Variants in TIMM17A observed in about 807,000 individuals in gnomAD.
The protein encoded by TIMM17A is translocase of inner mitochondrial membrane 17A.
In TIMM17A, 15 loss-of-function variants were observed where a neutral mutation model predicts 26.5. The observed-to-expected ratio is 0.57, with a 90% CI of 0.38 to 0.87. The LOEUF is 0.87. Ranked by LOEUF, TIMM17A falls within the 40% of genes least tolerant of loss-of-function variation. TIMM17A has a pLI of 0.00. For missense variants in TIMM17A, 201 were observed against 210.0 expected (o/e 0.96, Z 0.27); for synonymous variants, 80 against 70.8 (o/e 1.13, Z -0.66).
intron 3 of TIMM17A, among the ~76,000 whole-genome samples, chr1:201,958,338 T>C (rs1373987702): frequency 6.6e-6 from 1 of 152,232 alleles, no homozygotes; most frequent in Non-Finnish European, 1.5e-5. Flanking sequence ...TTGTACTTTG[T>C]AAACTTGGTT....
chr1:201,959,869 C>T (rs1201487213), intron 3 of TIMM17A, among the ~76,000 whole-genome samples: 2 of 151,876 alleles, frequency 1.3e-5, no homozygotes, highest in African/African-American at 2.4e-5. Context: ...GGCATGGTGA[C>T]GGGCGCCTGT....
At chr1:201,963,362 T>C in intron 3 of TIMM17A, 1 of 344,014 alleles carries the variant, frequency 2.9e-6, no homozygotes, top group Non-Finnish European at 5.2e-6. Flanking sequence ...AGGTGTGAGC[T>C]ATGGCACCCG....
At chr1:201,958,533 C>T (rs2102941626) in intron 3 of TIMM17A, among the ~76,000 whole-genome samples, 1 of 152,270 alleles carries the variant, frequency 6.6e-6, no homozygotes, top group Admixed American at 6.5e-5. Flanking sequence ...CTGCCCATTT[C>T]CCCAGAAAAA....
chr1:201,959,806 C>G (rs1682490203), intron 3 of TIMM17A, among the ~76,000 whole-genome samples: 1 of 151,264 alleles, frequency 6.6e-6, no homozygotes, highest in Admixed American at 6.6e-5. Context: ...AACCCCATCT[C>G]TACTAAAAAT....
intron 3 of TIMM17A, chr1:201,963,354 G>T (rs943119325): frequency 3.1e-6 from 1 of 325,508 alleles, no homozygotes; most frequent in Non-Finnish European, 5.6e-6. Flanking sequence ...GGGATTACAG[G>T]TGTGAGCTAT....
chr1:201,967,694 C>T lies in TIMM17A; in HGVS notation c.431-1775C>T, dbSNP rs193130603. On this transcript the variant is annotated intron_variant, in intron 5 of 5. Transcript: ENST00000367287. Reference sequence around the variant, plus strand: ...AGCAGCTGGGACTATAGGTGTGCACCGCTATGCCCGGCTAATTTTTATATT... The same window carrying T: ...AGCAGCTGGGACTATAGGTGTGCACTGCTATGCCCGGCTAATTTTTATATT... Among the ~76,000 whole-genome samples the T allele has an allele frequency of 2.2e-3, 328 of 151,894 alleles. 2 individuals are homozygous for T. Among genetic ancestry groups the T allele is most frequent in the Non-Finnish European group, 3.8e-3 (255 of 67,946 alleles).
chr1:201,962,350 T>C (rs1484270538), intron 3 of TIMM17A: 3 of 152,154 alleles, frequency 2.0e-5, no homozygotes, highest in African/African-American at 7.2e-5. Context: ...GATTTATTTA[T>C]TTTTTTTATT....
rs1254196768 is a variant in TIMM17A, at chr1:201,959,925, G to A, written c.190+2351G>A. Among the ~76,000 whole-genome samples the A allele has an allele frequency of 2.6e-5, 4 of 151,948 alleles. No homozygotes were observed. In the East Asian group the frequency reaches 5.8e-4, roughly 22 times the overall value. ...CTGAGGCACAAGAATGGCTGAACCC[G>A]GGAGGCGGAACTTGGCAGTGAGCCC... On this transcript the variant is annotated intron_variant, in intron 3 of 5. Transcript: ENST00000367287.
At chr1:201,956,074 G>A (rs1304193981) in intron 1 of TIMM17A, among the ~76,000 whole-genome samples, 57 of 152,162 alleles carry the variant, frequency 3.7e-4, no homozygotes, top group Non-Finnish European at 2.9e-5. Flanking sequence ...GTCTGGATAA[G>A]CTTCTTTATT....
intron 3 of TIMM17A, 186 bp from the exon 4 acceptor site, chr1:201,963,430 A>G (rs1241946851): frequency 2.3e-5 from 14 of 599,952 alleles, no homozygotes; most frequent in Non-Finnish European, 3.6e-5. Context: ...GATATAATAC[A>G]ATCCAGCTTT....
chr1:201,966,245 A>C (rs978477231), intron 5 of TIMM17A, among the ~76,000 whole-genome samples: 1 of 152,076 alleles, frequency 6.6e-6, no homozygotes, highest in Non-Finnish European at 1.5e-5. Flanking sequence ...GCTCACACCT[A>C]TAGTCCTAGC....
intron 4 of TIMM17A, among the ~76,000 whole-genome samples, chr1:201,964,144 A>T (rs1483095716): frequency 6.6e-6 from 1 of 152,178 alleles, no homozygotes; most frequent in Non-Finnish European, 1.5e-5. Flanking sequence ...AATATACAGT[A>T]TATGGTGATT....
intron 5 of TIMM17A, among the ~76,000 whole-genome samples, chr1:201,967,398 C>T (rs1220678679): frequency 1.3e-5 from 2 of 152,114 alleles, no homozygotes; most frequent in Non-Finnish European, 2.9e-5. Flanking sequence ...AACATCAAAA[C>T]AGTTCCATAT....
At chr1:201,956,137 C>T (rs770083730) in intron 1 of TIMM17A, among the ~76,000 whole-genome samples, 20 of 151,910 alleles carry the variant, frequency 1.3e-4, no homozygotes, top group Non-Finnish European at 2.6e-4. Flanking sequence ...TAGAGGGGGA[C>T]AAAAATTACC....
At position 201,955,543 on chromosome 1, in the gene TIMM17A, G is replaced by A. The variant is rs1465839683; in HGVS notation, c.17G>A (p.Arg6Gln). MEEYA[R>Q]EPCPWRIVDD... ...GGAGTCAAGATGGAGGAGTACGCGC[G>A]AGAGCCTTGGTGAGCTTCACCGCTG... is the stretch of plus-strand genomic sequence containing the variant. Residue 6 changes from arginine to glutamine, a missense_variant, in exon 1 of 6, where the codon CGA (arginine) becomes CAA (glutamine). Transcript: ENST00000367287. The A allele has an allele frequency of 1.2e-6, 2 of 1,614,248 alleles. No homozygotes were observed. The highest frequency in any genetic ancestry group is 3.3e-5 in the Admixed American group (2 of 60,036).
At position 201,969,544 on chromosome 1, in the gene TIMM17A, A is replaced by G; in HGVS notation, c.506A>G (p.Gln169Arg). 1 of 1,613,440 alleles carries G rather than the reference A, an allele frequency of 6.2e-7. No individual in the cohort carries two copies. The highest frequency in any genetic ancestry group is 8.5e-7 in the Non-Finnish European group (1 of 1,179,462). The change falls in exon 6 of 6, where the codon CAA becomes CGA. Residue 169 changes from glutamine (Q) to arginine (R), a missense_variant. Physicochemically the swap from Gln to Arg is conservative, Grantham distance 43. Coordinates refer to ENST00000367287, the MANE Select transcript of TIMM17A (RefSeq NM_006335.3). ...TCCTCACCTTTTGGAGACTATCGAC[A>G]ATATCAGTAGGACTTCTTTCCTAGG... ...LPSSPFGDYRQYQ is the reference protein window; with the variant it reads ...LPSSPFGDYRRYQ
At chr1:201,961,134 C>T (rs1033420125) in intron 3 of TIMM17A, among the ~76,000 whole-genome samples, 5 of 148,988 alleles carry the variant, frequency 3.4e-5, no homozygotes, top group Non-Finnish European at 5.9e-5. Context: ...GGCGCGGTCT[C>T]GGCTCACGTC....
rs1375453117 is a variant in TIMM17A at position 201,969,347 on chromosome 1, G to T, written c.431-122G>T. 21 of 754,950 alleles carry T rather than the reference G, an allele frequency of 2.8e-5. 1 individual carries two copies. The highest frequency in any genetic ancestry group is 7.7e-4 in the Middle Eastern group (2 of 2,598). The allele number at this position is 754,950 out of a possible 1,614,324, so 46.8% of individuals were successfully genotyped here. On this transcript the variant is annotated intron_variant, in intron 5 of 5. Transcript: ENST00000367287. ...AGGCAGATCTATAAAGAAATTTAGGGTTATAGCTTTAATTTAGCACATTTT... is the reference window on the plus strand; with the variant it reads ...AGGCAGATCTATAAAGAAATTTAGGTTTATAGCTTTAATTTAGCACATTTT...
chr1:201,963,874 C>T, intron 4 of TIMM17A, 130 bp downstream of exon 4: 2 of 1,074,716 alleles, frequency 1.9e-6, no homozygotes, highest in East Asian at 2.9e-5. Flanking sequence ...GACTATAATT[C>T]CATCACTTGG....
Sources: gnomAD v4.1 joint callset for allele counts (sites outside exome capture counted in the v4.1 genomes callset) on GRCh38, gnomAD v4.1.1 for gene constraint, MANE v1.5 for transcripts, NCBI Gene and HGNC (gene_info 2026-07-23, HGNC 2026-07-21) for gene names.